CSMD1: variants seen among roughly 807,000 people sequenced by gnomAD.
CSMD1 encodes the protein CUB and Sushi multiple domains 1.
CSMD1 carries 213 observed loss-of-function variants against 417.5 expected under a neutral mutation model. The ratio of observed to expected loss-of-function variants is 0.51; its 90% CI spans 0.46 to 0.57. The LOEUF is 0.57. Among genes scored for constraint, CSMD1 ranks in the 20% least tolerant of loss-of-function variants. CSMD1 has a pLI of 0.00. For synonymous variants in CSMD1, 2,862 were observed against 1,736.8 expected (o/e 1.65, Z -16.11); for missense variants, 6,923 against 4,529.7 (o/e 1.53, Z -15.17).
rs1436399066 is a variant in CSMD1 at position 3,984,932 on chromosome 8, G to A, written c.818+12971C>T. Reference sequence around the variant, plus strand: ...CAAGCTTCATTGTAGTTCATTATAAGCCTTTAAAATTAACACTTTAGAATT... The same window carrying A: ...CAAGCTTCATTGTAGTTCATTATAAACCTTTAAAATTAACACTTTAGAATT... On this transcript the variant is annotated intron_variant, in intron 5 of 69. Coordinates refer to ENST00000635120, the MANE Select transcript of CSMD1 (RefSeq NM_033225.6). Among the ~76,000 whole-genome samples, 8 of 151,958 alleles carry A rather than the reference G, an allele frequency of 5.3e-5. No homozygotes were observed. In the East Asian group the frequency reaches 1.2e-3, roughly 22 times the overall value.
chr8:3,852,969 G>T (rs749453219), intron 5 of CSMD1, among the ~76,000 whole-genome samples: 1 of 151,942 alleles, frequency 6.6e-6, no homozygotes, highest in Non-Finnish European at 1.5e-5. Flanking sequence ...CCGCTTTATG[G>T]CAAGGCTCCC....
chr8:4,748,809 G>C (rs1443296978), intron 1 of CSMD1, among the ~76,000 whole-genome samples: 1 of 152,202 alleles, frequency 6.6e-6, no homozygotes, highest in Non-Finnish European at 1.5e-5. Context: ...CATCACCATT[G>C]TGAACATATG....
At chr8:4,335,988 C>A (rs1461203794) in intron 3 of CSMD1, among the ~76,000 whole-genome samples, 3 of 152,102 alleles carry the variant, frequency 2.0e-5, no homozygotes, top group African/African-American at 4.8e-5. Context: ...TAGGGTCAGC[C>A]CCGCTCACTG....
intron 10 of CSMD1, among the ~76,000 whole-genome samples, chr8:3,523,781 CCA>C (rs1468633182): frequency 3.2e-5 from 4 of 124,516 alleles, no homozygotes; most frequent in African/African-American, 1.0e-4. Context: ...ACATGCACAC[CCA>C]GAGACATATG....
intron 5 of CSMD1, among the ~76,000 whole-genome samples, chr8:3,892,042 A>G (rs1807009120): frequency 6.6e-6 from 1 of 152,040 alleles, no homozygotes; most frequent in Admixed American, 6.5e-5. Flanking sequence ...AAAAAAAATT[A>G]AGGAAAGTCA....
chr8:4,055,359 T>G (rs1182197806), intron 3 of CSMD1, among the ~76,000 whole-genome samples: 1 of 152,132 alleles, frequency 6.6e-6, no homozygotes, highest in African/African-American at 2.4e-5. Context: ...CTTTTTATAA[T>G]TATTGTAAAT....
At chr8:4,560,575 G>A (rs1333773681) in intron 2 of CSMD1, among the ~76,000 whole-genome samples, 1 of 152,204 alleles carries the variant, frequency 6.6e-6, no homozygotes. Context: ...AAAACACTGT[G>A]CTGGAGCGGT....
rs1050909365 is a variant in CSMD1, at chr8:4,023,821, G to A, written c.610+8084C>T. Among the ~76,000 whole-genome samples, 77 of 115,120 alleles carry A rather than the reference G, an allele frequency of 6.7e-4. 1 individual carries two copies. The highest frequency in any genetic ancestry group is 6.1e-4 in the Non-Finnish European group (37 of 60,570). 75.5% of individuals were successfully genotyped at this position (115,120 alleles called of 152,430 possible). On this transcript the variant is annotated intron_variant, in intron 4 of 69. Transcript: ENST00000635120. ...TTTAGTAGAGACGGGGTTTCAGCAT[G>A]TTAGCCAGGATGGCCTCGATCTCCT...
intron 2 of CSMD1, among the ~76,000 whole-genome samples, chr8:4,594,515 C>G (rs935762193): frequency 2.0e-5 from 3 of 151,992 alleles, no homozygotes; most frequent in Non-Finnish European, 2.9e-5. Flanking sequence ...TGATCTGTTT[C>G]TAAATAAGGT....
At chr8:4,992,908 C>A (rs961645078) in intron 1 of CSMD1, among the ~76,000 whole-genome samples, 1 of 152,182 alleles carries the variant, frequency 6.6e-6, no homozygotes, top group Non-Finnish European at 1.5e-5. Flanking sequence ...GCAGACACCC[C>A]CTTGTGAGGG....
intron 2 of CSMD1, among the ~76,000 whole-genome samples, chr8:4,550,825 A>G (rs1797839090): frequency 6.6e-6 from 1 of 152,192 alleles, no homozygotes; most frequent in South Asian, 2.1e-4. Context: ...AATTGGTCCA[A>G]GTCGACACAG....
rs1814596738 is a variant in CSMD1 at position 3,087,220 on chromosome 8, C to G, written c.7351G>C (p.Val2451Leu). 1.2e-6 allele frequency: 2 copies of G among 1,613,936 alleles called. No homozygotes were observed. The highest frequency in any genetic ancestry group is 1.1e-5 in the South Asian group (1 of 91,080). ...GGILNRTAGAVGSKVHYFCKP... is the reference protein window; with the variant it reads ...GGILNRTAGALGSKVHYFCKP... ...CAAAAATAATGCACTTTGCTTCCAA[C>G]CGCTCCTGCAGTCCTGTTTAGAATA... The change falls in exon 49 of 70, where the codon GTT becomes CTT. Residue 2451 changes from valine to leucine, a missense_variant. Coordinates refer to ENST00000635120, the MANE Select transcript of CSMD1 (RefSeq NM_033225.6).
At chr8:4,461,473 A>T (rs1347713858) in intron 2 of CSMD1, among the ~76,000 whole-genome samples, 1 of 150,900 alleles carries the variant, frequency 6.6e-6, no homozygotes, top group Admixed American at 6.6e-5. Flanking sequence ...TCCATTAAAA[A>T]CTATTAGAAT....
chr8:4,343,251 T>C (rs564076913), intron 3 of CSMD1, among the ~76,000 whole-genome samples: 1 of 152,166 alleles, frequency 6.6e-6, no homozygotes, highest in Admixed American at 6.5e-5. Flanking sequence ...GACAGGAGGA[T>C]GGAGGTTGCC....
At chr8:4,446,763 G>GTGTGTGTGTC (rs1563183332) in intron 2 of CSMD1, among the ~76,000 whole-genome samples, 35 of 76,582 alleles carry the variant, frequency 4.6e-4, no homozygotes, top group African/African-American at 2.3e-3. Context: ...GTCTGTGTGT[G>GTGTGTGTGTC]TGTGTGTGTG....
chr8:3,868,210 G>GA lies in CSMD1; in HGVS notation c.819-114169dup, dbSNP rs200916748. On this transcript the variant is annotated intron_variant, in intron 5 of 69. Coordinates refer to ENST00000635120, the MANE Select transcript of CSMD1 (RefSeq NM_033225.6). ...TGCAGTTGGATGTACTGCGCCTGTA[G>GA]AAAAAACCCAGAACGAGGATGGGGG... Among the ~76,000 whole-genome samples the GA allele has an allele frequency of 9.2e-3, 1,310 of 141,798 alleles. 14 individuals are homozygous for GA. The highest frequency in any genetic ancestry group is 0.033 in the African/African-American group (1,150 of 34,626). The allele number at this position is 141,798 out of a possible 152,430, so 93.0% of individuals were successfully genotyped here. A position where few individuals can be genotyped will look rare whatever the true frequency, so the allele number is the denominator to read the frequency against.
At chr8:4,718,770 T>C (rs1350849139) in intron 1 of CSMD1, among the ~76,000 whole-genome samples, 3 of 152,052 alleles carry the variant, frequency 2.0e-5, no homozygotes, top group Non-Finnish European at 4.4e-5. Context: ...AAATACTCTT[T>C]TTAAAGCAAT....
At chr8:4,749,480 C>A (rs547672308) in intron 1 of CSMD1, among the ~76,000 whole-genome samples, 2 of 152,242 alleles carry the variant, frequency 1.3e-5, no homozygotes, top group African/African-American at 4.8e-5. Flanking sequence ...AAAGGAATTC[C>A]AAGAACCATT....
At chr8:4,007,100 A>T (rs951027130) in intron 4 of CSMD1, among the ~76,000 whole-genome samples, 7 of 151,864 alleles carry the variant, frequency 4.6e-5, no homozygotes, top group Non-Finnish European at 1.0e-4. Flanking sequence ...GGCCTCCCAA[A>T]GTTTTGGTAT....
Sources: allele counts gnomAD v4.1 joint callset (sites outside exome capture counted in the v4.1 genomes callset), GRCh38; gene constraint gnomAD v4.1.1; transcripts MANE v1.5; gene names NCBI Gene and HGNC (gene_info 2026-07-23, HGNC 2026-07-21).